Variants in LHFPL2 observed in about 807,000 individuals in gnomAD.
LHFPL2 encodes the protein LHFPL tetraspan subfamily member 2 protein.
LHFPL2 carries 7 observed loss-of-function variants against 17.5 expected under a neutral mutation model. That is an observed-to-expected ratio of 0.40 (90% CI 0.23 to 0.75). LHFPL2 has a LOEUF of 0.75. Among genes scored for constraint, LHFPL2 ranks in the 30% least tolerant of loss-of-function variants. The pLI is 0.37. For missense variants in LHFPL2, 241 were observed against 294.8 expected, an observed-to-expected ratio of 0.82 and a Z score of 1.34; for synonymous variants, 134 against 116.2, an observed-to-expected ratio of 1.15 and a Z score of -0.99.
chr5:78,570,439 G>C (rs1756966789), intron 2 of LHFPL2, among the ~76,000 whole-genome samples: 1 of 152,026 alleles, frequency 6.6e-6, no homozygotes, highest in Admixed American at 6.6e-5. Context: ...TCCAGTGGGT[G>C]TGTTTCCAAA....
intron 2 of LHFPL2, among the ~76,000 whole-genome samples, chr5:78,622,385 T>TCATTTAATCC (rs1744885715): frequency 6.6e-6 from 1 of 152,148 alleles, no homozygotes; most frequent in African/African-American, 2.4e-5. Context: ...CTTACATAGG[T>TCATTTAATCC]TCCCTCATTT....
chr5:78,598,422 G>A (rs2112469618), intron 2 of LHFPL2, among the ~76,000 whole-genome samples: 1 of 152,270 alleles, frequency 6.6e-6, no homozygotes, highest in East Asian at 1.9e-4. Context: ...AGTAAATGAA[G>A]GTGGTTATTC....
At chr5:78,538,211 A>G (rs1392060422) in intron 3 of LHFPL2, among the ~76,000 whole-genome samples, 1 of 152,226 alleles carries the variant, frequency 6.6e-6, no homozygotes, top group East Asian at 1.9e-4. Context: ...AGATTGACAA[A>G]GTGAGACACA....
intron 3 of LHFPL2, among the ~76,000 whole-genome samples, chr5:78,511,956 C>A (rs1447430227): frequency 6.6e-6 from 1 of 152,140 alleles, no homozygotes; most frequent in Non-Finnish European, 1.5e-5. Flanking sequence ...CCAGCACTGA[C>A]CATATGGATG....
intron 2 of LHFPL2, among the ~76,000 whole-genome samples, chr5:78,580,193 G>T (rs1031343749): frequency 3.9e-5 from 6 of 152,098 alleles, no homozygotes; most frequent in African/African-American, 1.2e-4. Context: ...TTTTGATGGG[G>T]TTGTTTGTTT....
intron 2 of LHFPL2, among the ~76,000 whole-genome samples, chr5:78,566,750 G>A (rs886560644): frequency 2.6e-5 from 4 of 152,354 alleles, no homozygotes; most frequent in South Asian, 2.1e-4. Flanking sequence ...GAGCCACTGC[G>A]CCCGGCGAAA....
At chr5:78,565,097 G>C (rs541755702) in intron 2 of LHFPL2, among the ~76,000 whole-genome samples, 1 of 152,262 alleles carries the variant, frequency 6.6e-6, no homozygotes, top group Admixed American at 6.5e-5. Context: ...AAAAGGCCAG[G>C]GGGGAATGTC....
intron 2 of LHFPL2, among the ~76,000 whole-genome samples, chr5:78,599,208 A>C (rs1448824463): frequency 6.6e-6 from 1 of 152,152 alleles, no homozygotes; most frequent in East Asian, 1.9e-4. Context: ...TTCTCAATTA[A>C]TGTAAATTGT....
rs551210435 is a variant in LHFPL2, at chr5:78,628,504, C to T, written c.-245+3760G>A. On this transcript the variant is annotated intron_variant, in intron 2 of 4. Coordinates refer to ENST00000380345, the MANE Select transcript of LHFPL2 (RefSeq NM_005779.3). ...CTTTGAACAAGATCAGATGTTTCCC[C>T]ACCCCTCCCTGGTGCTCCGCTCAAA... Among the ~76,000 whole-genome samples the T allele has an allele frequency of 8.5e-5, 13 of 152,308 alleles. No homozygotes were observed. The South Asian group carries it at 2.7e-3, about 32-fold the overall frequency.
chr5:78,512,734 T>A (rs1755172703), intron 3 of LHFPL2, among the ~76,000 whole-genome samples: 1 of 151,180 alleles, frequency 6.6e-6, no homozygotes, highest in Admixed American at 6.6e-5. Flanking sequence ...CTCTTTCCCA[T>A]CCCTTTTCTC....
chr5:78,533,019 T>G (rs1338922628), intron 3 of LHFPL2, among the ~76,000 whole-genome samples: 1 of 152,182 alleles, frequency 6.6e-6, no homozygotes, highest in Non-Finnish European at 1.5e-5. Flanking sequence ...AGGGACCATC[T>G]CTTGTCCTCT....
chr5:78,497,297 A>G (rs1043276459), intron 4 of LHFPL2, among the ~76,000 whole-genome samples: 2 of 142,216 alleles, frequency 1.4e-5, no homozygotes, highest in Admixed American at 1.4e-4. Flanking sequence ...TGGTTAATTA[A>G]ATCTCTTCTT....
intron 4 of LHFPL2, among the ~76,000 whole-genome samples, chr5:78,492,846 C>T (rs1754490141): frequency 6.6e-6 from 1 of 152,236 alleles, no homozygotes; most frequent in Non-Finnish European, 1.5e-5. Context: ...ACGCTGCAAC[C>T]TGGGCAGCCA....
intron 2 of LHFPL2, among the ~76,000 whole-genome samples, chr5:78,586,736 G>T (rs1009137587): frequency 2.6e-5 from 4 of 152,112 alleles, no homozygotes; most frequent in East Asian, 1.9e-4. Context: ...GGAAAAAAAA[G>T]CCAATCCCTA....
chr5:78,560,003 T>C (rs1293820025), intron 3 of LHFPL2, among the ~76,000 whole-genome samples: 1 of 152,264 alleles, frequency 6.6e-6, no homozygotes, highest in Non-Finnish European at 1.5e-5. Context: ...ATGTATTTGC[T>C]GTGGTTATTA....
chr5:78,569,160 C>G (rs1390794988), intron 2 of LHFPL2, among the ~76,000 whole-genome samples: 1 of 152,142 alleles, frequency 6.6e-6, no homozygotes, highest in Non-Finnish European at 1.5e-5. Flanking sequence ...ACTTGAAGCA[C>G]CGAGGCAAAT....
At chr5:78,623,111 C>T (rs1208790811) in intron 2 of LHFPL2, among the ~76,000 whole-genome samples, 1 of 152,186 alleles carries the variant, frequency 6.6e-6, no homozygotes, top group Non-Finnish European at 1.5e-5. Flanking sequence ...TACAAAATAA[C>T]CACAAACTTT....
chr5:78,631,586 C>T (rs539755039), intron 2 of LHFPL2, among the ~76,000 whole-genome samples: 63 of 151,570 alleles, frequency 4.2e-4, no homozygotes, highest in Admixed American at 6.6e-4. Context: ...CATTTTGCTG[C>T]GAAGCAAAAA....
At chr5:78,643,576 T>C (rs1396101656) in intron 1 of LHFPL2, among the ~76,000 whole-genome samples, 1 of 152,228 alleles carries the variant, frequency 6.6e-6, no homozygotes, top group South Asian at 2.1e-4. Flanking sequence ...ACAACTTTTT[T>C]TTTTTGAAAT....
Sources: gnomAD v4.1 joint callset for allele counts (sites outside exome capture counted in the v4.1 genomes callset) on GRCh38, gnomAD v4.1.1 for gene constraint, MANE v1.5 for transcripts, NCBI Gene and HGNC (gene_info 2026-07-23, HGNC 2026-07-21) for gene names.